The following TTC34 variants were observed in gnomAD, a reference collection of about 807,000 sequenced individuals.
The protein encoded by TTC34 is tetratricopeptide repeat protein 34.
A neutral mutation model predicts 40.7 loss-of-function variants in TTC34; 44 were observed. That is an observed-to-expected ratio of 1.08 (90% CI 0.85 to 1.39). TTC34 has a LOEUF of 1.39. Ranked by LOEUF, TTC34 falls within the 40% of genes most tolerant of loss-of-function variation. TTC34 has a pLI of 0.00. For missense variants in TTC34, 884 were observed against 838.0 expected, an observed-to-expected ratio of 1.05 and a Z score of -0.68; for synonymous variants, 422 against 398.6, an observed-to-expected ratio of 1.06 and a Z score of -0.70.
chr1:2,797,828 C>T (rs570735233), intron 2 of TTC34, among the ~76,000 whole-genome samples: 5 of 152,030 alleles, frequency 3.3e-5, no homozygotes, highest in Non-Finnish European at 7.4e-5. Flanking sequence ...AGTTCAGTTG[C>T]TCATCATGAA....
intron 6 of TTC34, among the ~76,000 whole-genome samples, chr1:2,750,438 C>T (rs1316431960): frequency 8.7e-6 from 1 of 115,140 alleles, no homozygotes; most frequent in East Asian, 3.1e-4. Flanking sequence ...TGTAACAGCA[C>T]CCACACACCC....
rs1336943359 is a variant in TTC34 at position 2,686,845 on chromosome 1, C to T, written c.2227-41282G>A. Among the ~76,000 whole-genome samples, 3 of 149,772 alleles carry T rather than the reference C, an allele frequency of 2.0e-5. No individual in the cohort carries two copies. The East Asian group carries it at 6.0e-4, about 30-fold the overall frequency. On this transcript the variant is annotated intron_variant, in intron 6 of 8. Coordinates refer to ENST00000401095, the Ensembl canonical transcript of TTC34. Reference sequence around the variant, plus strand: ...ACAGCCTGGAGCAGCACCCCACACCCCCAGGTGAGCATCGGACAGCCTGGA... The same window carrying T: ...ACAGCCTGGAGCAGCACCCCACACCTCCAGGTGAGCATCGGACAGCCTGGA...
chr1:2,792,789 G>T (rs1229342680), intron 2 of TTC34, among the ~76,000 whole-genome samples: 1 of 152,118 alleles, frequency 6.6e-6, no homozygotes, highest in Non-Finnish European at 1.5e-5. Flanking sequence ...ATTTTTCTCA[G>T]CCCTGAACTG....
At chr1:2,775,791 C>T (rs1481074613) in intron 6 of TTC34, among the ~76,000 whole-genome samples, 1 of 145,776 alleles carries the variant, frequency 6.9e-6, no homozygotes, top group African/African-American at 2.8e-5. Context: ...ACACTCGAAT[C>T]TTCAGGTGAG....
intron 6 of TTC34, among the ~76,000 whole-genome samples, chr1:2,756,542 C>G (rs2100447894): frequency 6.6e-6 from 1 of 151,982 alleles, no homozygotes; most frequent in Non-Finnish European, 1.5e-5. Flanking sequence ...GGAGCAGCAC[C>G]CACACTCCAG....
chr1:2,685,247 A>C (rs1301209745), intron 6 of TTC34, among the ~76,000 whole-genome samples: 1 of 89,156 alleles, frequency 1.1e-5, no homozygotes, highest in African/African-American at 4.9e-5. Context: ...ACCCCAGGTG[A>C]GCATCTGAGA....
In TTC34 at chr1:2,771,444, C is replaced by G. The variant is rs1447118731; in HGVS notation, c.2226+12165G>C. The stretch of plus-strand genomic sequence containing the variant: ...TGACACATAAAACAGCACCCTGCAA[C>G]CCCAGGTGAGCATCTGACAGTCTGG... On this transcript the variant is annotated intron_variant, in intron 6 of 8. Transcript: ENST00000401095. Among the ~76,000 whole-genome samples, 3 of 79,558 alleles carry G rather than the reference C, an allele frequency of 3.8e-5. 1 individual carries two copies. The highest frequency in any genetic ancestry group is 1.8e-4 in the African/African-American group (2 of 10,852). The allele number at this position is 79,558 out of a possible 152,430, so 52.2% of individuals were successfully genotyped here.
intron 6 of TTC34, among the ~76,000 whole-genome samples, chr1:2,656,377 C>T (rs1361112748): frequency 4.9e-5 from 5 of 101,676 alleles, no homozygotes; most frequent in Non-Finnish European, 6.0e-5. Flanking sequence ...CACCCACACC[C>T]ACAGGTGAGC....
intron 6 of TTC34, among the ~76,000 whole-genome samples, chr1:2,752,546 C>G (rs1641358217): frequency 1.6e-5 from 2 of 127,484 alleles, no homozygotes; most frequent in African/African-American, 6.6e-5. Flanking sequence ...AGGTGAGCAT[C>G]TGACAGCCTG....
rs146921026 is a variant in TTC34 at position 2,779,363 on chromosome 1, G to A, written c.2226+4246C>T. 2.5e-3 allele frequency among the ~76,000 whole-genome samples: 376 copies of A among 151,442 alleles called. 1 individual carries two copies. Among genetic ancestry groups the A allele is most frequent in the African/African-American group, 8.4e-3 (345 of 41,208 alleles). On this transcript the variant is annotated intron_variant, in intron 6 of 8. Coordinates refer to ENST00000401095, the Ensembl canonical transcript of TTC34. ...TTTGGAGCTGGAGTCTCGCTCTGTC[G>A]CCCAGGCTGGAGTGCAGTGGCAGGA... is the stretch of plus-strand genomic sequence containing the variant.
intron 2 of TTC34, among the ~76,000 whole-genome samples, chr1:2,791,122 C>T (rs903259918): frequency 2.0e-4 from 30 of 151,964 alleles, no homozygotes; most frequent in African/African-American, 7.0e-4. Context: ...TCCCCCAGCA[C>T]CCTCCCCGCG....
chr1:2,690,206 AGCAGCACCCACACCCCAGGTGAGGATCTG>A, intron 6 of TTC34, among the ~76,000 whole-genome samples: 1 of 120,246 alleles, frequency 8.3e-6, no homozygotes, highest in African/African-American at 2.8e-5. Context: ...GACAGCCTGG[AGCAGCACCCACACCCCAGGTGAGGATCTG>A]ACAGCCTGGA....
In TTC34 at chr1:2,645,292, C is replaced by T. The variant is rs1012091001; in HGVS notation, c.2497+1G>A. 9 of 1,486,068 alleles carry T rather than the reference C, an allele frequency of 6.1e-6. No homozygotes were observed. The highest frequency in any genetic ancestry group is 8.0e-6 in the Non-Finnish European group (9 of 1,120,036). 92.1% of individuals were successfully genotyped at this position (1,486,068 alleles called of 1,614,324 possible). A position where few individuals can be genotyped will look rare whatever the true frequency, so the allele number is the denominator to read the frequency against. On this transcript the variant is annotated splice_donor_variant, in intron 7 of 8. Coordinates refer to ENST00000401095, the Ensembl canonical transcript of TTC34. LOFTEE classifies it high-confidence loss of function. The surrounding 1 kb of genome is among the most constrained non-coding windows in gnomAD (Gnocchi z 4.7). ...TTTCCCACCTTGGGGCCGCCGCATA[C>T]CCTGTGCCATGAGAATGTCTGCCAG...
chr1:2,781,381 G>A (rs553478016), intron 6 of TTC34, among the ~76,000 whole-genome samples: 45 of 152,204 alleles, frequency 3.0e-4, no homozygotes, highest in African/African-American at 9.4e-4. Flanking sequence ...TGTTGCCTTC[G>A]TATCCTGCTA....
chr1:2,674,677 C>A (rs1639827627), intron 6 of TTC34, among the ~76,000 whole-genome samples: 2 of 69,720 alleles, frequency 2.9e-5, no homozygotes, highest in African/African-American at 1.1e-4. Flanking sequence ...GCAGCACCCA[C>A]ACCCCCAGGT....
chr1:2,750,683 G>T (rs1641288763), intron 6 of TTC34, among the ~76,000 whole-genome samples: 1 of 7,542 alleles, frequency 1.3e-4, no homozygotes, highest in African/African-American at 7.2e-4. Flanking sequence ...ACAGCACCCT[G>T]CACCCCCAAG....
At chr1:2,648,555 C>T (rs916990786) in intron 6 of TTC34, among the ~76,000 whole-genome samples, 15 of 152,030 alleles carry the variant, frequency 9.9e-5, no homozygotes, top group Non-Finnish European at 2.1e-4. Flanking sequence ...CCAGTTTATA[C>T]AGCTGTCAGG....
intron 6 of TTC34, among the ~76,000 whole-genome samples, chr1:2,771,487 C>G (rs1569784796): frequency 1.2e-5 from 1 of 82,160 alleles, no homozygotes; most frequent in Non-Finnish European, 2.2e-5. Flanking sequence ...TCCACACCCC[C>G]AGGCGAGCAT....
intron 6 of TTC34, among the ~76,000 whole-genome samples, chr1:2,685,499 CCA>C (rs1640292552): frequency 2.4e-5 from 1 of 40,974 alleles, no homozygotes; most frequent in South Asian, 8.6e-4. Context: ...GCATCTGACA[CCA>C]TGGAGCAGCA....
Sources: allele counts gnomAD v4.1 joint callset (sites outside exome capture counted in the v4.1 genomes callset), GRCh38; gene constraint gnomAD v4.1.1; non-coding constraint Gnocchi (gnomAD v3.1); transcripts MANE v1.5; gene names NCBI Gene and HGNC (gene_info 2026-07-23, HGNC 2026-07-21).